Variants in KCNN3 observed in about 807,000 individuals in gnomAD.
KCNN3 encodes potassium calcium-activated channel subfamily N member 3, also known as small conductance calcium-activated potassium channel protein 3.
Under a neutral mutation model 62.9 loss-of-function variants are expected in KCNN3, and 16 were observed. That is an observed-to-expected ratio of 0.25 (90% confidence interval 0.17 to 0.39). The LOEUF is 0.39. KCNN3 is among the 10% of genes least tolerant of loss of function. The pLI is 1.00. For missense variants in KCNN3, 599 were observed against 949.4 expected (o/e 0.63, Z 4.85); for synonymous variants, 370 against 389.2 (o/e 0.95, Z 0.58).
chr1:154,867,539 G>T (rs1461792510), intron 1 of KCNN3, among the ~76,000 whole-genome samples: 1 of 152,016 alleles, frequency 6.6e-6, no homozygotes, highest in African/African-American at 2.4e-5. Context: ...GCCCATCACC[G>T]ATTAAAGTGA....
At chr1:154,784,183 T>G (rs773237251) in intron 2 of KCNN3, among the ~76,000 whole-genome samples, 1 of 152,240 alleles carries the variant, frequency 6.6e-6, no homozygotes, top group African/African-American at 2.4e-5. Context: ...GGCCACACCT[T>G]GGTCTCATCA....
chr1:154,859,733 C>A (rs1652685219), intron 1 of KCNN3: 1 of 1,614,092 alleles, frequency 6.2e-7, no homozygotes, highest in African/African-American at 1.3e-5. Context: ...AAGCAAAACA[C>A]CAAACAACTG....
chr1:154,736,944 T>G, intron 3 of KCNN3: 1 of 685,458 alleles, frequency 1.5e-6, no homozygotes, highest in Non-Finnish European at 2.7e-6. Context: ...ATCGCTTCTC[T>G]GGTGGGGGCT....
At chr1:154,840,636 C>G (rs1047933886) in intron 1 of KCNN3, among the ~76,000 whole-genome samples, 1 of 152,228 alleles carries the variant, frequency 6.6e-6, no homozygotes, top group Admixed American at 6.5e-5. Flanking sequence ...AAGCAGACAC[C>G]TTTTCCCTCA....
Position 154,715,006 on chromosome 1 carries a change from A to G in KCNN3, c.1702-3T>C, listed in dbSNP as rs75076518. ...ACATTGGCTGCAGCATTCTTGATCTAAGGAAGAATAAATAAAGTAGGCTGC... is the reference window on the plus strand; with the variant it reads ...ACATTGGCTGCAGCATTCTTGATCTGAGGAAGAATAAATAAAGTAGGCTGC... On this transcript the variant is annotated splice_region_variant and splice_polypyrimidine_tract_variant and intron_variant, in intron 5 of 7. Transcript: ENST00000271915. 8.1e-4 allele frequency: 1,313 copies of G among 1,613,500 alleles called. 11 individuals are homozygous for G. The African/African-American group carries it at 0.014, about 17-fold the overall frequency.
chr1:154,796,897 T>G (rs758179912), intron 2 of KCNN3, among the ~76,000 whole-genome samples: 1 of 152,214 alleles, frequency 6.6e-6, no homozygotes, highest in Non-Finnish European at 1.5e-5. Context: ...GATAGTAGAA[T>G]GGAAACAAAT....
chr1:154,782,715 A>G (rs1449594884), intron 2 of KCNN3, among the ~76,000 whole-genome samples: 1 of 152,162 alleles, frequency 6.6e-6, no homozygotes, highest in Non-Finnish European at 1.5e-5. Context: ...TGCACATACC[A>G]TTTCATTGCC....
chr1:154,740,904 T>C (rs1228521510), intron 3 of KCNN3, among the ~76,000 whole-genome samples: 4 of 152,354 alleles, frequency 2.6e-5, no homozygotes, highest in Non-Finnish European at 5.9e-5. Flanking sequence ...AGTTTGTGTG[T>C]TGCAAATATC....
intron 3 of KCNN3, among the ~76,000 whole-genome samples, chr1:154,771,078 A>G (rs1648537393): frequency 7.4e-6 from 1 of 136,014 alleles, no homozygotes; most frequent in African/African-American, 2.5e-5. Context: ...TAAATAAATA[A>G]ATAAATAAAT....
intron 3 of KCNN3, among the ~76,000 whole-genome samples, chr1:154,764,451 T>C (rs12129712): frequency 0.29 from 43,693 of 152,102 alleles, 7,173 homozygotes; most frequent in Middle Eastern, 0.43. Flanking sequence ...TACAGTCTCA[T>C]AGAACTATGG....
rs561376092 is a variant in KCNN3 at position 154,740,075 on chromosome 1, A to G, written c.1449-6931T>C. ...TAGCAACAGATAACTAATACAGTGA[A>G]CTCTTCTATGAATTGCTTCTTTTCT... On this transcript the variant is annotated intron_variant, in intron 3 of 7. Coordinates refer to ENST00000271915, the MANE Select transcript of KCNN3 (RefSeq NM_002249.6). Among the ~76,000 whole-genome samples, 4 of 152,200 alleles carry G rather than the reference A, an allele frequency of 2.6e-5. No homozygotes were observed. In the East Asian group the frequency reaches 7.7e-4, roughly 29 times the overall value.
Position 154,698,703 on chromosome 1 carries a change from T to C in KCNN3, c.*9273A>G, listed in dbSNP as rs1309369028. ...TATAACTGTAGACAGGCAGGGCCCA[T>C]GGAGCTGTGGAGAGTTCACTGGGAC... On this transcript the variant is annotated 3_prime_UTR_variant, in exon 8 of 8. Transcript: ENST00000271915. 1 of 152,170 alleles carries C rather than the reference T, an allele frequency of 6.6e-6. No individual in the cohort carries two copies. Among genetic ancestry groups the C allele is most frequent in the Non-Finnish European group, 1.5e-5 (1 of 68,026 alleles). 9.4% of individuals were successfully genotyped at this position (152,170 alleles called of 1,614,324 possible). A position where few individuals can be genotyped will look rare whatever the true frequency, so the allele number is the denominator to read the frequency against.
At chr1:154,710,317 A>T (rs959999927) in intron 7 of KCNN3, among the ~76,000 whole-genome samples, 24 of 152,210 alleles carry the variant, frequency 1.6e-4, no homozygotes, top group Non-Finnish European at 2.2e-4. Context: ...TGGTGACAGG[A>T]TGCCAGGGGG....
chr1:154,714,755 T>C, intron 6 of KCNN3, 121 bp downstream of exon 6: 1 of 1,361,752 alleles, frequency 7.3e-7, no homozygotes, highest in Non-Finnish European at 1.0e-6. Context: ...TCAGACCCAG[T>C]TCACCACTCC....
In KCNN3 at chr1:154,708,034, G is replaced by C; in HGVS notation, c.2138C>G (p.Pro713Arg). 1 of 1,613,198 alleles carries C rather than the reference G, an allele frequency of 6.2e-7. No individual in the cohort carries two copies. Among genetic ancestry groups the C allele is most frequent in the East Asian group, 2.2e-5 (1 of 44,842 alleles). ...GTTHTPISDS[P>R]IGVSSTSFPT... ...GAAGGAGGTGGAGCTGACCCCAATG[G>C]GGCTATCGGAGATTGGGGTGTGGGT... Residue 713 changes from proline to arginine, a missense_variant, in exon 8 of 8, where the codon CCC becomes CGC. Pro to Arg is a moderately radical substitution (Grantham distance 103). Transcript: ENST00000271915.
At chr1:154,732,128 G>A (rs760590134) in intron 4 of KCNN3, among the ~76,000 whole-genome samples, 7 of 152,216 alleles carry the variant, frequency 4.6e-5, no homozygotes, top group Non-Finnish European at 7.3e-5. Context: ...AACCAATGGG[G>A]AGGGCAGGGC....
At position 154,702,689 on chromosome 1, in the gene KCNN3, G is replaced by A. The variant is rs561518277; in HGVS notation, c.*5287C>T. ...AGTGAAGCTGGACGTTGGCTGCTTCGATCTGATTCAGATATATATATATAT... is the reference window on the plus strand; with the variant it reads ...AGTGAAGCTGGACGTTGGCTGCTTCAATCTGATTCAGATATATATATATAT... On this transcript the variant is annotated 3_prime_UTR_variant, in exon 8 of 8. Transcript: ENST00000271915. 36 of 110,852 alleles carry A rather than the reference G, an allele frequency of 3.2e-4. No individual in the cohort carries two copies. In the Admixed American group the frequency reaches 3.6e-3, roughly 11 times the overall value. 6.9% of individuals were successfully genotyped at this position (110,852 alleles called of 1,614,324 possible). A position where few individuals can be genotyped will look rare whatever the true frequency, so the allele number is the denominator to read the frequency against.
chr1:154,703,326 T>C lies in KCNN3; in HGVS notation c.*4650A>G, dbSNP rs985679077. 2 of 152,120 alleles carry C rather than the reference T, an allele frequency of 1.3e-5. No homozygotes were observed. Among genetic ancestry groups the C allele is most frequent in the African/African-American group, 4.8e-5 (2 of 41,424 alleles). The allele number at this position is 152,120 out of a possible 1,614,324, so 9.4% of individuals were successfully genotyped here. The stretch of plus-strand genomic sequence containing the variant: ...TTGGCGGCAGTAGAGAAGGAAAGGA[T>C]ACTGTCTGGGGCGTCATCAAGCCCA... On this transcript the variant is annotated 3_prime_UTR_variant, in exon 8 of 8. Transcript: ENST00000271915.
At chr1:154,863,166 A>G (rs1278474453) in intron 1 of KCNN3, among the ~76,000 whole-genome samples, 1 of 151,982 alleles carries the variant, frequency 6.6e-6, no homozygotes. Flanking sequence ...CCCTGCCCCC[A>G]GCTGCTCCTC....
Sources: allele counts gnomAD v4.1 joint callset (sites outside exome capture counted in the v4.1 genomes callset), GRCh38; gene constraint gnomAD v4.1.1; transcripts MANE v1.5; gene names NCBI Gene and HGNC (gene_info 2026-07-23, HGNC 2026-07-21).